GABRB3: variants seen among roughly 807,000 people sequenced by gnomAD.
GABRB3 encodes the protein gamma-aminobutyric acid receptor subunit beta-3.
A neutral mutation model predicts 52.1 loss-of-function variants in GABRB3; 14 were observed. The observed-to-expected ratio is 0.27, with a 90% CI of 0.18 to 0.42. The LOEUF (loss-of-function observed/expected upper bound fraction) is 0.42, where lower values mean the gene tolerates loss of function less well. GABRB3 is among the 10% of genes least tolerant of loss of function. GABRB3 has a pLI of 1.00. For synonymous variants in GABRB3, 260 were observed against 232.3 expected, an observed-to-expected ratio of 1.12 and a Z score of -1.08; for missense variants, 307 against 609.1, an observed-to-expected ratio of 0.50 and a Z score of 5.22.
At chr15:26,754,537 T>C (rs1370212476) in intron 3 of GABRB3, among the ~76,000 whole-genome samples, 1 of 152,220 alleles carries the variant, frequency 6.6e-6, no homozygotes, top group East Asian at 1.9e-4. Flanking sequence ...CCCAATTACA[T>C]GTTAATAGCC....
chr15:26,616,956 TA>T (rs200060357), intron 4 of GABRB3, among the ~76,000 whole-genome samples: 18 of 148,524 alleles, frequency 1.2e-4, no homozygotes, highest in South Asian at 2.1e-4. Context: ...CTACTTCTGT[TA>T]AAAAAAAAAA....
intron 3 of GABRB3, chr15:26,629,272 G>A (rs1300752327): frequency 9.0e-7 from 1 of 1,115,894 alleles, no homozygotes; most frequent in Non-Finnish European, 1.2e-6. Context: ...AGGAGGCGTG[G>A]TCTGTGGCTC....
intron 4 of GABRB3, among the ~76,000 whole-genome samples, chr15:26,600,201 C>A (rs888257092): frequency 2.0e-5 from 3 of 151,306 alleles, no homozygotes; most frequent in African/African-American, 7.3e-5. Flanking sequence ...TAAACAAGAA[C>A]AACAAAAGAT....
chr15:26,696,425 G>A (rs951340623), intron 3 of GABRB3, among the ~76,000 whole-genome samples: 2 of 151,402 alleles, frequency 1.3e-5, no homozygotes, highest in Admixed American at 6.6e-5. Flanking sequence ...ACTGAGGCCC[G>A]ATGACGTAGA....
At chr15:26,650,158 T>A (rs771006453) in intron 3 of GABRB3, among the ~76,000 whole-genome samples, 1 of 152,188 alleles carries the variant, frequency 6.6e-6, no homozygotes, top group East Asian at 1.9e-4. Context: ...CAGAGCCCTG[T>A]TGGGTGCTTC....
chr15:26,678,681 C>T (rs955493669), intron 3 of GABRB3, among the ~76,000 whole-genome samples: 9 of 151,994 alleles, frequency 5.9e-5, no homozygotes, highest in Admixed American at 3.9e-4. Context: ...ATGGATGGAT[C>T]GACTCTGAGG....
chr15:26,769,004 A>G (rs987942857), intron 3 of GABRB3, among the ~76,000 whole-genome samples: 3 of 152,182 alleles, frequency 2.0e-5, no homozygotes, highest in Admixed American at 2.0e-4. Context: ...TGATCTATAT[A>G]TGTGTTTATT....
At chr15:26,642,419 A>C (rs899079824) in intron 3 of GABRB3, 1 of 1,221,802 alleles carries the variant, frequency 8.2e-7, no homozygotes, top group Non-Finnish European at 1.1e-6. Context: ...CTGTGTATAT[A>C]TATGTATACA....
At chr15:26,637,668 T>C (rs1893094068) in intron 3 of GABRB3, among the ~76,000 whole-genome samples, 1 of 152,256 alleles carries the variant, frequency 6.6e-6, no homozygotes, top group South Asian at 2.1e-4. Flanking sequence ...AAAATTTCTC[T>C]GCAGCTTAAA....
At chr15:26,604,194 G>T (rs898603389) in intron 4 of GABRB3, among the ~76,000 whole-genome samples, 7 of 151,946 alleles carry the variant, frequency 4.6e-5, no homozygotes, top group African/African-American at 1.7e-4. Context: ...AAATACCTAT[G>T]AATTACCTTA....
At chr15:26,641,159 C>T (rs552135543) in intron 3 of GABRB3, among the ~76,000 whole-genome samples, 2 of 152,292 alleles carry the variant, frequency 1.3e-5, no homozygotes, top group South Asian at 4.1e-4. Flanking sequence ...CCGTAGACTC[C>T]CATCTCAGCC....
At chr15:26,675,799 G>C (rs765535288) in intron 3 of GABRB3, among the ~76,000 whole-genome samples, 1 of 152,154 alleles carries the variant, frequency 6.6e-6, no homozygotes, top group Non-Finnish European at 1.5e-5. Context: ...CTAAAGACAG[G>C]CCAGGGTGAT....
At chr15:26,760,809 G>GCACGCACACACACACA (rs1555383021) in intron 3 of GABRB3, among the ~76,000 whole-genome samples, 2 of 149,286 alleles carry the variant, frequency 1.3e-5, no homozygotes, top group Non-Finnish European at 3.0e-5. Context: ...ACACGCGCAC[G>GCACGCACACACACACA]CACACACACA....
chr15:26,706,276 C>T (rs1176317797), intron 3 of GABRB3, among the ~76,000 whole-genome samples: 1 of 152,174 alleles, frequency 6.6e-6, no homozygotes, highest in Non-Finnish European at 1.5e-5. Flanking sequence ...TGCAACGAAA[C>T]AACCAGGCAT....
chr15:26,733,467 C>A (rs1394299789), intron 3 of GABRB3, among the ~76,000 whole-genome samples: 1 of 151,882 alleles, frequency 6.6e-6, no homozygotes, highest in East Asian at 1.9e-4. Context: ...AAGACATGTA[C>A]AATAAAAACT....
chr15:26,771,869 G>C (rs1891154416), intron 3 of GABRB3: 1 of 152,610 alleles, frequency 6.6e-6, no homozygotes, highest in Non-Finnish European at 1.5e-5. Flanking sequence ...GGGTCTCCCA[G>C]TCCAGGAGGC....
At position 26,547,699 on chromosome 15, in the gene GABRB3, T is replaced by A; in HGVS notation, c.*94A>T. The A allele has an allele frequency of 1.1e-6, 1 of 909,816 alleles. No individual in the cohort carries two copies. The highest frequency in any genetic ancestry group is 1.8e-6 in the Non-Finnish European group (1 of 554,820). 56.4% of individuals were successfully genotyped at this position (909,816 alleles called of 1,614,324 possible). On this transcript the variant is annotated 3_prime_UTR_variant, in exon 9 of 9. Coordinates refer to ENST00000311550, the MANE Select transcript of GABRB3 (RefSeq NM_000814.6). ...ATGTATATATGTGTGTGTCTGCTTG[T>A]GTGTCTGTGTGTGTACAGGTATAAA...
chr15:26,555,804 T>G (rs144935784), intron 8 of GABRB3, among the ~76,000 whole-genome samples: 1 of 152,342 alleles, frequency 6.6e-6, no homozygotes, highest in Non-Finnish European at 1.5e-5. Context: ...TAATAAGATC[T>G]TAGTGTTAAA....
intron 3 of GABRB3, among the ~76,000 whole-genome samples, chr15:26,675,288 G>T (rs900506787): frequency 6.6e-6 from 1 of 152,156 alleles, no homozygotes; most frequent in African/African-American, 2.4e-5. Context: ...TTCTACTGAA[G>T]AGTGGAGCAC....
Sources: gnomAD v4.1 joint callset for allele counts (sites outside exome capture counted in the v4.1 genomes callset) on GRCh38, gnomAD v4.1.1 for gene constraint, MANE v1.5 for transcripts, NCBI Gene and HGNC (gene_info 2026-07-23, HGNC 2026-07-21) for gene names.